LAMA2: variants seen among roughly 807,000 people sequenced by gnomAD.
LAMA2 encodes the protein laminin subunit alpha 2.
A neutral mutation model predicts 364.8 loss-of-function variants in LAMA2; 269 were observed. That is an observed-to-expected ratio of 0.74 (90% CI 0.67 to 0.82). The LOEUF (loss-of-function observed/expected upper bound fraction) is 0.82, where lower values mean the gene tolerates loss of function less well. Ranked by LOEUF, LAMA2 falls within the 40% of genes least tolerant of loss-of-function variation. The pLI is 0.00. For missense variants in LAMA2, 3,807 were observed against 3,873.2 expected (o/e 0.98, Z 0.45); for synonymous variants, 1,379 against 1,370.6 (o/e 1.01, Z -0.14).
intron 12 of LAMA2, among the ~76,000 whole-genome samples, chr6:129,198,742 T>G (rs1186156738): frequency 6.6e-6 from 1 of 151,686 alleles, no homozygotes; most frequent in Admixed American, 6.6e-5. Context: ...TTATGAAAAT[T>G]TACACACAAT....
chr6:129,463,949 A>G (rs1287592805), intron 49 of LAMA2, among the ~76,000 whole-genome samples: 1 of 151,950 alleles, frequency 6.6e-6, no homozygotes, highest in Non-Finnish European at 1.5e-5. Flanking sequence ...GTAATAATGT[A>G]TTCTCAGCCC....
At chr6:129,056,663 T>C (rs944535687) in intron 2 of LAMA2, among the ~76,000 whole-genome samples, 1 of 152,168 alleles carries the variant, frequency 6.6e-6, no homozygotes, top group Admixed American at 6.5e-5. Context: ...CAGTGTATTA[T>C]ATATTAATTA....
At chr6:129,128,516 T>C (rs1484426857) in intron 4 of LAMA2, among the ~76,000 whole-genome samples, 6 of 152,234 alleles carry the variant, frequency 3.9e-5, no homozygotes, top group Non-Finnish European at 5.9e-5. Context: ...AAAATTGTTT[T>C]TTCTATATCT....
chr6:129,265,478 C>T (rs975624798), intron 15 of LAMA2, among the ~76,000 whole-genome samples: 1 of 152,016 alleles, frequency 6.6e-6, no homozygotes, highest in African/African-American at 2.4e-5. Context: ...TAATTTCTAC[C>T]CCCTTATGAA....
intron 12 of LAMA2, among the ~76,000 whole-genome samples, chr6:129,198,900 G>T (rs1395156713): frequency 6.6e-6 from 1 of 152,032 alleles, no homozygotes; most frequent in East Asian, 1.9e-4. Flanking sequence ...TTAACTCCAA[G>T]CCTATTGATT....
chr6:129,319,037 G>A (rs1186184786), intron 27 of LAMA2, among the ~76,000 whole-genome samples: 1 of 152,068 alleles, frequency 6.6e-6, no homozygotes, highest in Non-Finnish European at 1.5e-5. Context: ...CAATTATAAT[G>A]ACTATTTCAC....
At chr6:129,487,539 T>C (rs1182165645) in intron 56 of LAMA2, among the ~76,000 whole-genome samples, 1 of 152,124 alleles carries the variant, frequency 6.6e-6, no homozygotes, top group Admixed American at 6.6e-5. Flanking sequence ...GAGGATACTT[T>C]TAAATGCAAC....
In LAMA2 at chr6:129,315,773, T is replaced by C. The variant is rs780154697; in HGVS notation, c.3747T>C (p.Tyr1249=). ...TTTTATTTTGTCAGTTGATGGCCTA[T>C]GGGGGCAAACTCAAGTATGCAATCT... The part of the protein sequence containing the change: ...EQFEGKKLMA[Y]GGKLKYAIYF... The change falls in exon 26 of 65, where the codon TAT becomes TAC. Residue 1249 remains tyrosine, a synonymous_variant. Coordinates refer to ENST00000421865, the MANE Select transcript of LAMA2 (RefSeq NM_000426.4). 6.2e-7 allele frequency: 1 copy of C among 1,614,088 alleles called. No individual in the cohort carries two copies. Among genetic ancestry groups the C allele is most frequent in the Admixed American group, 1.7e-5 (1 of 60,026 alleles).
At chr6:129,418,368 G>A (rs1403805715) in intron 40 of LAMA2, among the ~76,000 whole-genome samples, 1 of 151,922 alleles carries the variant, frequency 6.6e-6, no homozygotes, top group Non-Finnish European at 1.5e-5. Context: ...TGGACAACAG[G>A]TGATCGCCAA....
rs1787871949 is a variant in LAMA2, at chr6:129,270,712, G to C, written c.2411G>C (p.Cys804Ser). ...CCTACTAAAGGAACCTCTGAAGACTGTCAACCCTGTGCCTGTCCACTCAAT... is the reference window on the plus strand; with the variant it reads ...CCTACTAAAGGAACCTCTGAAGACTCTCAACCCTGTGCCTGTCCACTCAAT... ...GEPTKGTSEDCQPCACPLNIP... is the reference protein window; with the variant it reads ...GEPTKGTSEDSQPCACPLNIP... Residue 804 changes from cysteine (C) to serine (S), a missense_variant, in exon 17 of 65, where the codon TGT (cysteine) becomes TCT (serine). By Grantham distance (112) the Cys-to-Ser change is moderately radical. Transcript: ENST00000421865. The C allele has an allele frequency of 1.2e-6, 2 of 1,613,112 alleles. No individual in the cohort carries two copies. Among genetic ancestry groups the C allele is most frequent in the African/African-American group, 2.7e-5 (2 of 74,860 alleles).
chr6:129,184,482 C>G (rs1222586809), intron 10 of LAMA2, among the ~76,000 whole-genome samples: 1 of 151,818 alleles, frequency 6.6e-6, no homozygotes, highest in Non-Finnish European at 1.5e-5. Context: ...ATCGTTGACC[C>G]TTGTCCTCAA....
Position 129,267,154 on chromosome 6 carries a change from ATCTGTGAGCCATG to A in LAMA2, c.2260_2272del (p.Cys754SerfsTer17). ...AGTTAACGGCACTATTTTTGGTGGC[ATCTGTGAGCCATG>A]TCAGTGCTTTGGTCATGCGGAGTCC... is the stretch of plus-strand genomic sequence containing the variant. On this transcript the variant is annotated frameshift_variant, in exon 16 of 65. Coordinates refer to ENST00000421865, the MANE Select transcript of LAMA2 (RefSeq NM_000426.4). LOFTEE classifies it high-confidence loss of function. 1 of 1,613,466 alleles carries A rather than the reference ATCTGTGAGCCATG, an allele frequency of 6.2e-7. No individual in the cohort carries two copies. Among genetic ancestry groups the A allele is most frequent in the Non-Finnish European group, 8.5e-7 (1 of 1,179,522 alleles).
chr6:128,916,486 T>C (rs1056706010), intron 1 of LAMA2, among the ~76,000 whole-genome samples: 5 of 152,218 alleles, frequency 3.3e-5, no homozygotes, highest in Non-Finnish European at 7.3e-5. Flanking sequence ...ACTTCTGAAA[T>C]GGAGTATGCA....
At chr6:129,024,409 A>C (rs1439618375) in intron 1 of LAMA2, among the ~76,000 whole-genome samples, 1 of 134,766 alleles carries the variant, frequency 7.4e-6, no homozygotes, top group Admixed American at 8.4e-5. Flanking sequence ...TTTTTGAGAC[A>C]GTCTCAGTCC....
At chr6:129,292,179 T>C (rs1444155211) in intron 20 of LAMA2, among the ~76,000 whole-genome samples, 1 of 152,096 alleles carries the variant, frequency 6.6e-6, no homozygotes, top group Non-Finnish European at 1.5e-5. Context: ...ACACCATCTC[T>C]GCTAAAAACT....
At chr6:129,482,799 G>T (rs188429776) in intron 55 of LAMA2, among the ~76,000 whole-genome samples, 1 of 152,106 alleles carries the variant, frequency 6.6e-6, no homozygotes, top group Non-Finnish European at 1.5e-5. Flanking sequence ...AGTGGCTCAC[G>T]CCTGTAATCC....
At chr6:129,315,365 A>G in intron 24 of LAMA2, 111 bp from the exon 25 acceptor site, 2 of 903,586 alleles carry the variant, frequency 2.2e-6, no homozygotes, top group Non-Finnish European at 3.5e-6. Context: ...TTGTGAGAAC[A>G]TCATCAGAAT....
intron 4 of LAMA2, among the ~76,000 whole-genome samples, chr6:129,122,460 C>A (rs899381570): frequency 6.6e-6 from 1 of 152,170 alleles, no homozygotes; most frequent in Non-Finnish European, 1.5e-5. Context: ...GCCCAGCAAG[C>A]TTTCATGTGC....
At chr6:129,483,040 C>A (rs1467448431) in intron 55 of LAMA2, among the ~76,000 whole-genome samples, 1 of 147,982 alleles carries the variant, frequency 6.8e-6, no homozygotes, top group African/African-American at 2.5e-5. Flanking sequence ...GCACTCCAGC[C>A]TGCGCGACAA....
Sources: allele counts gnomAD v4.1 joint callset (sites outside exome capture counted in the v4.1 genomes callset), GRCh38; gene constraint gnomAD v4.1.1; transcripts MANE v1.5; gene names NCBI Gene and HGNC (gene_info 2026-07-23, HGNC 2026-07-21).